KIF13B: variants seen among roughly 807,000 people sequenced by gnomAD.
KIF13B encodes kinesin-like protein KIF13B.
Under a neutral mutation model 222.0 loss-of-function variants are expected in KIF13B, and 127 were observed. The ratio of observed to expected loss-of-function variants is 0.57; its 90% CI spans 0.50 to 0.66. The LOEUF is 0.66. KIF13B is among the 30% of genes least tolerant of loss of function. The pLI is 0.00. For synonymous variants in KIF13B, 976 were observed against 919.0 expected, an observed-to-expected ratio of 1.06 and a Z score of -1.12; for missense variants, 2,173 against 2,379.0, an observed-to-expected ratio of 0.91 and a Z score of 1.80.
chr8:29,146,657 G>A, intron 17 of KIF13B, 117 bp from the exon 18 acceptor site: 1 of 901,464 alleles, frequency 1.1e-6, no homozygotes, highest in South Asian at 1.7e-5. Context: ...CTTTTTCCGT[G>A]GTCGTCTGCA....
At chr8:29,094,335 GC>G (rs948874615) in intron 36 of KIF13B, among the ~76,000 whole-genome samples, 5 of 152,184 alleles carry the variant, frequency 3.3e-5, no homozygotes, top group Non-Finnish European at 7.3e-5. Context: ...GGCCTACTGT[GC>G]CAGTCTACTC....
At chr8:29,204,943 T>C (rs551779785) in intron 2 of KIF13B, among the ~76,000 whole-genome samples, 1 of 152,350 alleles carries the variant, frequency 6.6e-6, no homozygotes, top group Admixed American at 6.5e-5. Context: ...GGGGAAAATG[T>C]TCACTGAATA....
intron 18 of KIF13B, among the ~76,000 whole-genome samples, chr8:29,142,655 C>A (rs1449137218): frequency 2.0e-5 from 3 of 152,000 alleles, no homozygotes; most frequent in South Asian, 4.1e-4. Context: ...GCCTGGCCAA[C>A]ATGGTGAAAC....
At position 29,123,422 on chromosome 8, in the gene KIF13B, C is replaced by T. The variant is rs1809965458; in HGVS notation, c.3423G>A (p.Arg1141=). The part of the protein sequence containing the change: ...LEMRLTLTEE[R]NAVMVPSAGS... ...CAGCAGAGGGGACCATCACCGCGTTCCTCTCCTCAGTTAGGGTCAACCGCA... is the reference window on the plus strand; with the variant it reads ...CAGCAGAGGGGACCATCACCGCGTTTCTCTCCTCAGTTAGGGTCAACCGCA... Residue 1141 remains arginine, a synonymous_variant, in exon 28 of 40, where the codon AGG becomes AGA. Transcript: ENST00000524189. 1.1e-5 allele frequency: 17 copies of T among 1,614,080 alleles called. No individual in the cohort carries two copies. The highest frequency in any genetic ancestry group is 1.4e-5 in the Non-Finnish European group (17 of 1,179,906).
intron 5 of KIF13B, among the ~76,000 whole-genome samples, chr8:29,188,246 A>G (rs1259679065): frequency 6.6e-6 from 1 of 152,202 alleles, no homozygotes; most frequent in African/African-American, 2.4e-5. Flanking sequence ...CATGGCTAGT[A>G]ATGTGTTCAA....
In KIF13B at chr8:29,191,151, AACTT is replaced by A. The variant is rs927350473; in HGVS notation, c.163-98_163-95del. 68 of 890,018 alleles carry A rather than the reference AACTT, an allele frequency of 7.6e-5. No individual in the cohort carries two copies. In the Middle Eastern group the frequency reaches 1.4e-3, roughly 19 times the overall value. The allele number at this position is 890,018 out of a possible 1,614,324, so 55.1% of individuals were successfully genotyped here. On this transcript the variant is annotated intron_variant, in intron 3 of 39. Coordinates refer to ENST00000524189, the MANE Select transcript of KIF13B (RefSeq NM_015254.4). ...ACTGTTCATAATAGTGAAATAAAAC[AACTT>A]ACTGTCATACAATGGGAATTAATTA...
At chr8:29,174,721 T>C (rs1041312148) in intron 10 of KIF13B, among the ~76,000 whole-genome samples, 1 of 152,216 alleles carries the variant, frequency 6.6e-6, no homozygotes, top group Non-Finnish European at 1.5e-5. Context: ...AAGGAAGTAA[T>C]GGACCTGATA....
intron 27 of KIF13B, 111 bp downstream of exon 27, chr8:29,123,913 C>T: frequency 1.5e-6 from 1 of 672,622 alleles, no homozygotes; most frequent in Non-Finnish European, 2.6e-6. Flanking sequence ...CTCCTGCCAT[C>T]CCCATTACTG....
chr8:29,200,756 T>C (rs761501715), intron 2 of KIF13B, among the ~76,000 whole-genome samples: 8 of 152,230 alleles, frequency 5.3e-5, no homozygotes, highest in Non-Finnish European at 1.2e-4. Flanking sequence ...GCACTTTGTC[T>C]GTCATGACCT....
At chr8:29,179,719 G>A (rs534073345) in intron 8 of KIF13B, among the ~76,000 whole-genome samples, 2 of 152,310 alleles carry the variant, frequency 1.3e-5, no homozygotes, top group Admixed American at 6.5e-5. Flanking sequence ...AGGGTGCTAC[G>A]AGGCAGCAGC....
At chr8:29,126,536 G>A (rs1380515426) in intron 25 of KIF13B, 25 bp from the exon 26 acceptor site, 34 of 1,347,364 alleles carry the variant, frequency 2.5e-5, no homozygotes, top group Admixed American at 3.8e-5. Context: ...ACATTACAAA[G>A]AACTGAATTA....
At chr8:29,148,276 C>A (rs1811146171) in intron 16 of KIF13B, among the ~76,000 whole-genome samples, 1 of 152,114 alleles carries the variant, frequency 6.6e-6, no homozygotes, top group South Asian at 2.1e-4. Flanking sequence ...CATATTAAGG[C>A]AGAACATTTT....
chr8:29,242,767 C>T (rs1815837335), intron 2 of KIF13B, among the ~76,000 whole-genome samples: 1 of 152,156 alleles, frequency 6.6e-6, no homozygotes, highest in Non-Finnish European at 1.5e-5. Flanking sequence ...TCGTTCTTAT[C>T]CTATGTTCAC....
intron 14 of KIF13B, among the ~76,000 whole-genome samples, chr8:29,152,796 A>G (rs879784234): frequency 6.6e-6 from 1 of 152,084 alleles, no homozygotes; most frequent in Non-Finnish European, 1.5e-5. Context: ...CAGGCTAGTC[A>G]TGAACTCCTG....
At position 29,211,106 on chromosome 8, in the gene KIF13B, G is replaced by A. The variant is rs144618793; in HGVS notation, c.150-14907C>T. Among the ~76,000 whole-genome samples the A allele has an allele frequency of 4.2e-3, 634 of 152,348 alleles. 1 individual carries two copies. The highest frequency in any genetic ancestry group is 0.014 in the African/African-American group (602 of 41,584). On this transcript the variant is annotated intron_variant, in intron 2 of 39. Transcript: ENST00000524189. ...AAGACTGAGACAGCTCAGAAGTGGT[G>A]CCTTCTTCTAATTGGTCTGGCCAGA...
At position 29,126,497 on chromosome 8, in the gene KIF13B, G is replaced by T; in HGVS notation, c.3237C>A (p.Asp1079Glu). The T allele has an allele frequency of 1.3e-6, 2 of 1,541,400 alleles. No individual in the cohort carries two copies. Among genetic ancestry groups the T allele is most frequent in the Non-Finnish European group, 1.8e-6 (2 of 1,122,752 alleles). Reference sequence around the variant, plus strand: ...GCTAAATTACCTGGTAGCTGTCCATGTCTTCCTCTTCCTCCTAAAAGAAAA... The same window carrying T: ...GCTAAATTACCTGGTAGCTGTCCATTTCTTCCTCTTCCTCCTAAAAGAAAA... The part of the protein sequence containing the change: ...THETFHEEEE[D>E]MDSYQDRDLE... The change falls in exon 26 of 40, where the codon GAC becomes GAA. Residue 1079 changes from aspartate (D) to glutamate (E), a missense_variant. Around this residue, in one of 2 missense-constraint regions of KIF13B, gnomAD observed 1,480 missense variants for 1,722.8 expected, o/e 0.86. Transcript: ENST00000524189.
intron 2 of KIF13B, among the ~76,000 whole-genome samples, chr8:29,210,661 A>G (rs1814179658): frequency 1.3e-5 from 2 of 152,212 alleles, no homozygotes; most frequent in African/African-American, 4.8e-5. Flanking sequence ...TTTTATTTCC[A>G]TGGTGATTCA....
chr8:29,238,096 G>T (rs1815593924), intron 2 of KIF13B, among the ~76,000 whole-genome samples: 1 of 152,142 alleles, frequency 6.6e-6, no homozygotes, highest in South Asian at 2.1e-4. Context: ...AGAACAAACA[G>T]GTCTATTGTG....
chr8:29,140,403 C>T, intron 20 of KIF13B, 65 bp downstream of exon 20: 1 of 1,524,850 alleles, frequency 6.6e-7, no homozygotes. Flanking sequence ...AACAATATCC[C>T]ATCACCACCC....
Sources: gnomAD v4.1 joint callset for allele counts (sites outside exome capture counted in the v4.1 genomes callset) on GRCh38, gnomAD v4.1.1 for gene constraint, gnomAD v4.1.1 regional missense constraint, MANE v1.5 for transcripts, NCBI Gene and HGNC (gene_info 2026-07-23, HGNC 2026-07-21) for gene names.